STK32B: variants seen among roughly 807,000 people sequenced by gnomAD.
The protein encoded by STK32B is serine/threonine kinase 32B.
STK32B carries 43 observed loss-of-function variants against 52.6 expected under a neutral mutation model. That is an observed-to-expected ratio of 0.82 (90% CI 0.64 to 1.05). The LOEUF is 1.05. STK32B is among the 50% of genes least tolerant of loss of function. The pLI is 0.00. For synonymous variants in STK32B, 238 were observed against 204.3 expected (o/e 1.17, Z -1.41); for missense variants, 621 against 534.6 (o/e 1.16, Z -1.59).
chr4:5,218,981 G>T (rs1232052691), intron 3 of STK32B, among the ~76,000 whole-genome samples: 4 of 152,160 alleles, frequency 2.6e-5, no homozygotes, highest in Non-Finnish European at 2.9e-5. Context: ...TATTCCCAAT[G>T]CTGCCCTCGG....
chr4:5,262,221 C>G (rs1324369622), intron 3 of STK32B, among the ~76,000 whole-genome samples: 1 of 152,118 alleles, frequency 6.6e-6, no homozygotes, highest in Non-Finnish European at 1.5e-5. Flanking sequence ...CATTGCCTGT[C>G]TGGAGCTGGC....
At chr4:5,431,609 G>C (rs146863157) in intron 6 of STK32B, among the ~76,000 whole-genome samples, 1 of 151,698 alleles carries the variant, frequency 6.6e-6, no homozygotes, top group Admixed American at 6.6e-5. Flanking sequence ...CAGAGCTTAC[G>C]TATTTACTCA....
chr4:5,408,490 AG>A (rs576434056), intron 5 of STK32B, among the ~76,000 whole-genome samples: 5 of 152,144 alleles, frequency 3.3e-5, no homozygotes, highest in Non-Finnish European at 7.3e-5. Context: ...CCTGCTGCAC[AG>A]CCTGTAGAAC....
At chr4:5,341,425 C>T (rs1011994545) in intron 4 of STK32B, among the ~76,000 whole-genome samples, 2 of 152,228 alleles carry the variant, frequency 1.3e-5, no homozygotes, top group African/African-American at 4.8e-5. Context: ...GAAACAGATG[C>T]TCACTTCTTC....
intron 7 of STK32B, among the ~76,000 whole-genome samples, chr4:5,450,350 G>T (rs1275201865): frequency 6.6e-6 from 1 of 152,178 alleles, no homozygotes; most frequent in Non-Finnish European, 1.5e-5. Context: ...TATCCACAGA[G>T]AAGAGATGGA....
intron 3 of STK32B, among the ~76,000 whole-genome samples, chr4:5,289,738 T>G (rs2108882117): frequency 7.2e-6 from 1 of 138,914 alleles, no homozygotes; most frequent in African/African-American, 2.7e-5. Flanking sequence ...AGAGATGGGG[T>G]TTCACCATGT....
intron 11 of STK32B, among the ~76,000 whole-genome samples, chr4:5,494,906 C>G (rs1441599011): frequency 3.9e-5 from 6 of 152,208 alleles, no homozygotes; most frequent in Non-Finnish European, 8.8e-5. Flanking sequence ...TATTGGCCCC[C>G]ACTCTCTTCT....
At chr4:5,327,327 A>G (rs1731948667) in intron 3 of STK32B, among the ~76,000 whole-genome samples, 2 of 149,782 alleles carry the variant, frequency 1.3e-5, no homozygotes, top group South Asian at 4.4e-4. Context: ...AGTATGGCGA[A>G]TCCTTTCCAG....
intron 4 of STK32B, among the ~76,000 whole-genome samples, chr4:5,360,484 A>G (rs1424744911): frequency 2.0e-5 from 3 of 152,232 alleles, no homozygotes; most frequent in Non-Finnish European, 2.9e-5. Flanking sequence ...CACCCTTTGT[A>G]GAATAGACCG....
At chr4:5,434,668 G>T (rs1178704304) in intron 6 of STK32B, among the ~76,000 whole-genome samples, 1 of 152,132 alleles carries the variant, frequency 6.6e-6, no homozygotes, top group Admixed American at 6.5e-5. Context: ...CGAAATGGAG[G>T]TAGTACCCAC....
At chr4:5,339,990 A>G (rs1182625018) in intron 4 of STK32B, among the ~76,000 whole-genome samples, 2 of 152,224 alleles carry the variant, frequency 1.3e-5, no homozygotes, top group African/African-American at 2.4e-5. Context: ...TTAGAAAACA[A>G]AAGATATTTT....
chr4:5,251,652 G>A (rs1056415696), intron 3 of STK32B, among the ~76,000 whole-genome samples: 4 of 152,100 alleles, frequency 2.6e-5, no homozygotes, highest in Non-Finnish European at 5.9e-5. Flanking sequence ...CTTTGAATCT[G>A]TAAACTTTTG....
the STK32B span, among the ~76,000 whole-genome samples, chr4:5,039,388 G>A: frequency 1.3e-5 from 2 of 152,028 alleles, no homozygotes; most frequent in Non-Finnish European, 2.9e-5. Context: ...ACACAAATAC[G>A]CACATTAGCC....
upstream of STK32B, among the ~76,000 whole-genome samples, chr4:5,046,933 T>C (rs376420360): frequency 7.2e-5 from 11 of 152,196 alleles, no homozygotes; most frequent in African/African-American, 2.7e-4. Flanking sequence ...AGTATGGTGA[T>C]TTCTCAACGA....
chr4:5,460,806 T>A lies in STK32B; in HGVS notation c.909+578T>A, dbSNP rs1716970116. Among the ~76,000 whole-genome samples, 1 of 152,034 alleles carries A rather than the reference T, an allele frequency of 6.6e-6. No homozygotes were observed. ...GTTTCAAAGAACAATTTTATAGCAT[T>A]TAAGGGAATAAACCAGAGGGAATAT... is the stretch of plus-strand genomic sequence containing the variant. On this transcript the variant is annotated intron_variant, in intron 9 of 11. Transcript: ENST00000282908. This position sits in a 1 kb window ranked among gnomAD's most constrained non-coding sequence, Gnocchi z 4.8.
At position 5,499,120 on chromosome 4, in the gene STK32B, T is replaced by A. The variant is rs1162390818; in HGVS notation, c.*37T>A. ...TTGCTGCTCAACAGGACTGCACTCG[T>A]CTCTGCCCTGCCCACCCAGAGCCCC... On this transcript the variant is annotated 3_prime_UTR_variant, in exon 12 of 12. Transcript: ENST00000282908. 1 of 1,566,990 alleles carries A rather than the reference T, an allele frequency of 6.4e-7. No individual in the cohort carries two copies. Among genetic ancestry groups the A allele is most frequent in the Non-Finnish European group, 8.7e-7 (1 of 1,151,894 alleles).
Position 5,445,745 on chromosome 4 carries a change from G to A in STK32B, c.563-928G>A, listed in dbSNP as rs559364549. On this transcript the variant is annotated intron_variant, in intron 6 of 11. Transcript: ENST00000282908. ...ACATTCACAATGTTTTATGAGCACC[G>A]CCTCTGTCTAGTTCCAACCCATTTG... 1.9e-3 allele frequency among the ~76,000 whole-genome samples: 295 copies of A among 152,208 alleles called. 1 individual carries two copies. Among genetic ancestry groups the A allele is most frequent in the African/African-American group, 6.8e-3 (281 of 41,516 alleles).
intron 5 of STK32B, among the ~76,000 whole-genome samples, chr4:5,402,411 C>G (rs1450697669): frequency 2.6e-5 from 4 of 152,228 alleles, no homozygotes; most frequent in African/African-American, 9.6e-5. Context: ...AGGAAAGAGG[C>G]TGTATTTTGC....
chr4:5,250,153 G>C (rs1177377134), intron 3 of STK32B, among the ~76,000 whole-genome samples: 1 of 152,040 alleles, frequency 6.6e-6, no homozygotes, highest in Non-Finnish European at 1.5e-5. Flanking sequence ...TATCCAGTCT[G>C]CTATTGATGG....
Sources: gnomAD v4.1 joint callset for allele counts (sites outside exome capture counted in the v4.1 genomes callset) on GRCh38, gnomAD v4.1.1 for gene constraint, Gnocchi (gnomAD v3.1) non-coding constraint, MANE v1.5 for transcripts, NCBI Gene and HGNC (gene_info 2026-07-23, HGNC 2026-07-21) for gene names.